Variants in CDKAL1 observed in about 807,000 individuals in gnomAD.
CDKAL1 encodes the protein threonylcarbamoyladenosine tRNA methylthiotransferase.
In CDKAL1, 32 loss-of-function variants were observed where a neutral mutation model predicts 68.2. The ratio of observed to expected loss-of-function variants is 0.47; its 90% confidence interval spans 0.35 to 0.63. CDKAL1 has a LOEUF of 0.63. Among genes scored for constraint, CDKAL1 ranks in the 30% least tolerant of loss-of-function variants. The probability of loss-of-function intolerance (pLI) is 0.00; values close to 1 mark genes in which losing one functional copy is unlikely to be tolerated. For missense variants in CDKAL1, 606 were observed against 696.7 expected, an observed-to-expected ratio of 0.87 and a Z score of 1.47; for synonymous variants, 234 against 244.3, an observed-to-expected ratio of 0.96 and a Z score of 0.39.
rs928567463 is a variant in CDKAL1, at chr6:20,798,661, G to A, written c.638+17396G>A. ...CATCATTCTGAGCAAACTATCACAA[G>A]GACAGAAAACCAAACACCGCATGTT... On this transcript the variant is annotated intron_variant, in intron 8 of 15. Transcript: ENST00000274695. Among the ~76,000 whole-genome samples the A allele has an allele frequency of 4.6e-5, 7 of 150,768 alleles. No individual in the cohort carries two copies. In the South Asian group the frequency reaches 1.5e-3, roughly 31 times the overall value.
At chr6:20,718,125 T>G in intron 5 of CDKAL1, among the ~76,000 whole-genome samples, 1 of 152,200 alleles carries the variant, frequency 6.6e-6, no homozygotes, top group East Asian at 1.9e-4. Flanking sequence ...TCTGTTTTCT[T>G]TGAGGACTCC....
At chr6:21,135,810 A>C (rs1161865126) in intron 13 of CDKAL1, 1 of 470,994 alleles carries the variant, frequency 2.1e-6, no homozygotes, top group Non-Finnish European at 2.8e-6. Flanking sequence ...TCTCCATTGG[A>C]GAACGGGTGC....
At chr6:21,018,430 A>C (rs1768458832) in intron 11 of CDKAL1, among the ~76,000 whole-genome samples, 1 of 152,176 alleles carries the variant, frequency 6.6e-6, no homozygotes, top group Admixed American at 6.5e-5. Context: ...TTTACCTAAA[A>C]CGGAGTGCTA....
In CDKAL1 at chr6:20,948,452, T is replaced by C. The variant is rs1390545320; in HGVS notation, c.743-6967T>C. ...AATGAAAAATCCTTTGCTTTTTTAC[T>C]TTTCTTTACCTTCTAAACTATTCTG... is the stretch of plus-strand genomic sequence containing the variant. On this transcript the variant is annotated intron_variant, in intron 9 of 15. Coordinates refer to ENST00000274695, the MANE Select transcript of CDKAL1 (RefSeq NM_017774.3). Among the ~76,000 whole-genome samples, 9 of 152,388 alleles carry C rather than the reference T, an allele frequency of 5.9e-5. No homozygotes were observed. In the East Asian group the frequency reaches 1.7e-3, roughly 29 times the overall value.
chr6:21,146,576 C>A (rs1168574598), intron 13 of CDKAL1, among the ~76,000 whole-genome samples: 1 of 152,026 alleles, frequency 6.6e-6, no homozygotes, highest in Non-Finnish European at 1.5e-5. Context: ...TTTGGCCCGG[C>A]GTGGTGGCTC....
intron 9 of CDKAL1, among the ~76,000 whole-genome samples, chr6:20,848,305 C>G (rs961227988): frequency 1.0e-3 from 34 of 33,316 alleles, no homozygotes; most frequent in Middle Eastern, 0.014. Context: ...CAATTTAGTT[C>G]TAGGAAGTCA....
intron 8 of CDKAL1, among the ~76,000 whole-genome samples, chr6:20,784,412 C>CTTTCTTTTT (rs1775572357): frequency 1.2e-4 from 4 of 33,494 alleles, no homozygotes; most frequent in African/African-American, 4.7e-4. Flanking sequence ...TATTTTATTT[C>CTTTCTTTTT]TTTTTTTTTT....
intron 9 of CDKAL1, among the ~76,000 whole-genome samples, chr6:20,916,338 T>TA (rs1470446491): frequency 2.0e-5 from 3 of 152,194 alleles, no homozygotes; most frequent in Non-Finnish European, 4.4e-5. Flanking sequence ...CTTCCTATTT[T>TA]TGCAACTTCT....
chr6:20,799,139 G>C (rs1298762514), intron 8 of CDKAL1, among the ~76,000 whole-genome samples: 1 of 131,016 alleles, frequency 7.6e-6, no homozygotes, highest in Non-Finnish European at 1.6e-5. Flanking sequence ...TGCAACCTCT[G>C]GCTCCCGGGT....
chr6:21,225,403 A>T lies in CDKAL1; in HGVS notation c.1549-5445A>T, dbSNP rs1779703722. On this transcript the variant is annotated intron_variant, in intron 15 of 15. Coordinates refer to ENST00000274695, the MANE Select transcript of CDKAL1 (RefSeq NM_017774.3). ...GTAGCTTCTTCCTCATGGGTTAGTG[A>T]GGAGGTGCAAGGCAGGACGCTGTCA... 2.0e-5 allele frequency among the ~76,000 whole-genome samples: 3 copies of T among 152,098 alleles called. No homozygotes were observed. In the South Asian group the frequency reaches 6.2e-4, roughly 32 times the overall value.
rs145108561 is a variant in CDKAL1, at chr6:20,568,890, T to C, written c.286+20185T>C. 3.9e-3 allele frequency among the ~76,000 whole-genome samples: 598 copies of C among 152,302 alleles called. 3 individuals carry two copies. Among genetic ancestry groups the C allele is most frequent in the African/African-American group, 0.014 (564 of 41,550 alleles). ...CTGCTGTGACCCAGATTGTCTTTATTTCTTCTTGTAGCACTTGTTAGACTC... is the reference window on the plus strand; with the variant it reads ...CTGCTGTGACCCAGATTGTCTTTATCTCTTCTTGTAGCACTTGTTAGACTC... On this transcript the variant is annotated intron_variant, in intron 4 of 15. Transcript: ENST00000274695.
intron 6 of CDKAL1, among the ~76,000 whole-genome samples, chr6:20,753,507 C>A (rs2150342253): frequency 6.6e-6 from 1 of 152,258 alleles, no homozygotes; most frequent in African/African-American, 2.4e-5. Context: ...AGCCTAGGAG[C>A]AGTAGGCTAT....
At chr6:20,598,161 G>C (rs1228490141) in intron 4 of CDKAL1, among the ~76,000 whole-genome samples, 1 of 152,184 alleles carries the variant, frequency 6.6e-6, no homozygotes, top group Non-Finnish European at 1.5e-5. Flanking sequence ...GCCACGGAAA[G>C]CTGTAAAGCA....
At chr6:20,906,209 T>C (rs529480195) in intron 9 of CDKAL1, among the ~76,000 whole-genome samples, 13 of 152,310 alleles carry the variant, frequency 8.5e-5, no homozygotes, top group African/African-American at 3.1e-4. Context: ...GTTTTCTATA[T>C]AATTTAAGAG....
At chr6:20,960,126 C>G (rs932966135) in intron 10 of CDKAL1, among the ~76,000 whole-genome samples, 4 of 151,956 alleles carry the variant, frequency 2.6e-5, no homozygotes, top group Non-Finnish European at 5.9e-5. Flanking sequence ...TTTCTTTTGC[C>G]CACTTTTTTG....
intron 13 of CDKAL1, among the ~76,000 whole-genome samples, chr6:21,168,601 T>C (rs1207236869): frequency 6.6e-6 from 1 of 152,144 alleles, no homozygotes; most frequent in Non-Finnish European, 1.5e-5. Flanking sequence ...AGTGGAAGGG[T>C]AATTTCAAAA....
At chr6:20,596,832 T>A (rs1765847015) in intron 4 of CDKAL1, among the ~76,000 whole-genome samples, 1 of 152,182 alleles carries the variant, frequency 6.6e-6, no homozygotes, top group Non-Finnish European at 1.5e-5. Context: ...AAGTGTAGTA[T>A]CTGGGCTGAA....
intron 15 of CDKAL1, among the ~76,000 whole-genome samples, chr6:21,219,304 TTGA>T (rs1779449704): frequency 6.6e-6 from 1 of 152,228 alleles, no homozygotes; most frequent in African/African-American, 2.4e-5. Context: ...TAGATGACTT[TTGA>T]TATCTAATAC....
intron 5 of CDKAL1, among the ~76,000 whole-genome samples, chr6:20,659,922 T>C (rs1043560007): frequency 2.0e-5 from 3 of 152,214 alleles, no homozygotes; most frequent in African/African-American, 7.2e-5. Flanking sequence ...GCCACTGGGC[T>C]ATAGAATTTT....
Sources: gnomAD v4.1 joint callset for allele counts (sites outside exome capture counted in the v4.1 genomes callset) on GRCh38, gnomAD v4.1.1 for gene constraint, MANE v1.5 for transcripts, NCBI Gene and HGNC (gene_info 2026-07-23, HGNC 2026-07-21) for gene names.